TJP1: variants seen among roughly 807,000 people sequenced by gnomAD.
TJP1 encodes tight junction protein ZO-1.
Under a neutral mutation model 194.2 loss-of-function variants are expected in TJP1, and 43 were observed. The observed-to-expected ratio is 0.22, with a 90% CI of 0.17 to 0.29. The LOEUF (loss-of-function observed/expected upper bound fraction) is 0.29, where lower values mean the gene tolerates loss of function less well. TJP1 is among the 10% of genes least tolerant of loss of function. The pLI is 1.00. For synonymous variants in TJP1, 801 were observed against 779.0 expected (o/e 1.03, Z -0.47); for missense variants, 1,971 against 2,185.7 (o/e 0.90, Z 1.96).
At chr15:29,813,983 T>TG (rs1272746773) in intron 1 of TJP1, among the ~76,000 whole-genome samples, 1 of 152,226 alleles carries the variant, frequency 6.6e-6, no homozygotes, top group Non-Finnish European at 1.5e-5. Flanking sequence ...AGTGTTCATT[T>TG]GCCTTGTCAG....
intron 15 of TJP1, 137 bp downstream of exon 15, chr15:29,732,296 C>A: frequency 1.4e-6 from 1 of 739,230 alleles, no homozygotes; most frequent in Non-Finnish European, 2.2e-6. Context: ...GTTTTCTCAC[C>A]AAATTAAAAG....
chr15:29,825,794 C>T (rs958308672), upstream of TJP1, among the ~76,000 whole-genome samples: 1 of 152,090 alleles, frequency 6.6e-6, no homozygotes, highest in Non-Finnish European at 1.5e-5. Flanking sequence ...GATGTTATAA[C>T]AACCAAAAGT....
In TJP1 at chr15:29,709,048, AC is replaced by A. The variant is rs750876609; in HGVS notation, c.4373-13del. 1 of 1,595,496 alleles carries A rather than the reference AC, an allele frequency of 6.3e-7. No individual in the cohort carries two copies. The highest frequency in any genetic ancestry group is 1.8e-5 in the Admixed American group (1 of 56,836). On this transcript the variant is annotated splice_polypyrimidine_tract_variant and intron_variant, in intron 24 of 27. Coordinates refer to ENST00000614355, the MANE Select transcript of TJP1 (RefSeq NM_001330239.4). ...TGACACTGAATTACCTGAAAAACAA[AC>A]GTAAGCATTTAAATAACTTTCTGAA...
At chr15:29,968,661 C>A (rs1209123043) in intron 1 of TJP1, 1 of 1,072,464 alleles carries the variant, frequency 9.3e-7, no homozygotes, top group South Asian at 2.4e-5. Context: ...CGCGCGGCCG[C>A]CTCACCACAG....
intron 2 of TJP1, among the ~76,000 whole-genome samples, chr15:29,780,434 C>T (rs976564713): frequency 6.6e-6 from 1 of 152,064 alleles, no homozygotes; most frequent in Non-Finnish European, 1.5e-5. Context: ...CAGGAGGCAG[C>T]GCTCAGGCAG....
chr15:29,739,229 G>A (rs1276305226), intron 10 of TJP1, among the ~76,000 whole-genome samples: 1 of 152,174 alleles, frequency 6.6e-6, no homozygotes, highest in Admixed American at 6.5e-5. Context: ...CACCAACAGT[G>A]TCATGTGCCT....
chr15:29,755,371 C>T (rs1174755632), intron 8 of TJP1, among the ~76,000 whole-genome samples: 1 of 152,180 alleles, frequency 6.6e-6, no homozygotes, highest in African/African-American at 2.4e-5. Flanking sequence ...ACTCAGCACT[C>T]TTGGAAAACT....
intron 1 of TJP1, among the ~76,000 whole-genome samples, chr15:29,959,115 G>T (rs990057937): frequency 3.3e-5 from 5 of 151,040 alleles, no homozygotes; most frequent in African/African-American, 1.2e-4. Flanking sequence ...TCAGCCTCCC[G>T]GGCAGCTGGG....
At chr15:29,712,772 T>C (rs925095332) in intron 23 of TJP1, among the ~76,000 whole-genome samples, 3 of 149,606 alleles carry the variant, frequency 2.0e-5, no homozygotes, top group African/African-American at 7.4e-5. Context: ...CAAGGATAAT[T>C]AGCAGGTTCT....
chr15:29,938,069 G>A (rs1222711633), intron 2 of TJP1, among the ~76,000 whole-genome samples: 1 of 152,126 alleles, frequency 6.6e-6, no homozygotes, highest in Non-Finnish European at 1.5e-5. Context: ...TGTTCTACTT[G>A]ACATATAAAA....
chr15:29,784,239 A>G (rs566342323), intron 2 of TJP1, among the ~76,000 whole-genome samples: 1 of 152,296 alleles, frequency 6.6e-6, no homozygotes, highest in Admixed American at 6.5e-5. Flanking sequence ...ACTCAGGAGG[A>G]CTAATACCAA....
At chr15:29,806,115 T>C (rs1438328154) in intron 1 of TJP1, among the ~76,000 whole-genome samples, 2 of 152,152 alleles carry the variant, frequency 1.3e-5, no homozygotes, top group Non-Finnish European at 2.9e-5. Context: ...AAGGCTGTAA[T>C]GGGAAAATGA....
At chr15:29,907,701 T>C (rs906083754) in intron 2 of TJP1, among the ~76,000 whole-genome samples, 7 of 152,118 alleles carry the variant, frequency 4.6e-5, no homozygotes, top group South Asian at 2.1e-4. Context: ...AAGCTATCAA[T>C]GCCACCTGCT....
intron 2 of TJP1, among the ~76,000 whole-genome samples, chr15:29,895,917 G>C (rs2053462500): frequency 6.6e-6 from 1 of 152,160 alleles, no homozygotes; most frequent in African/African-American, 2.4e-5. Flanking sequence ...CAGTGTCTGG[G>C]GAGAGCCCAC....
chr15:29,718,447 T>C lies in TJP1; in HGVS notation c.3695A>G (p.His1232Arg), dbSNP rs747329597. The C allele has an allele frequency of 6.2e-6, 10 of 1,614,064 alleles. No homozygotes were observed. In the East Asian group the frequency reaches 2.0e-4, roughly 32 times the overall value. ...AVPPLIPSSQ[H>R]KPEALPSNTK... ...GTTTGAAGGCAGAGCTTCTGGCTTATGCTGAGATGAAGGTATCAGCGGAGG... is the reference window on the plus strand; with the variant it reads ...GTTTGAAGGCAGAGCTTCTGGCTTACGCTGAGATGAAGGTATCAGCGGAGG... The change falls in exon 21 of 28, where the codon CAT (histidine) becomes CGT (arginine). Residue 1232 changes from histidine to arginine, a missense_variant. His to Arg is a conservative substitution (Grantham distance 29). Around this residue, in one of 5 missense-constraint regions of TJP1, gnomAD observed 1,108 missense variants for 1,128.5 expected, o/e 0.98. Coordinates refer to ENST00000614355, the MANE Select transcript of TJP1 (RefSeq NM_001330239.4).
At chr15:29,752,547 G>T (rs2045358083) in intron 8 of TJP1, among the ~76,000 whole-genome samples, 1 of 152,100 alleles carries the variant, frequency 6.6e-6, no homozygotes, top group Admixed American at 6.6e-5. Flanking sequence ...ATTAACTAGA[G>T]AAACTTAATC....
intron 1 of TJP1, among the ~76,000 whole-genome samples, chr15:29,966,656 C>A (rs1012486850): frequency 1.8e-4 from 3 of 16,944 alleles, no homozygotes; most frequent in Non-Finnish European, 3.2e-4. Context: ...TTGTACCAGA[C>A]ATCCGTTGCA....
chr15:29,732,720 T>C lies in TJP1; in HGVS notation c.1832A>G (p.Lys611Arg), dbSNP rs1424022333. Residue 611 changes from lysine to arginine, a missense_variant, in exon 14 of 28, where the codon AAG becomes AGG. Physicochemically the swap from Lys to Arg is conservative, Grantham distance 26 (BLOSUM62 2). Around this residue, in one of 5 missense-constraint regions of TJP1, gnomAD observed 402 missense variants for 484.2 expected, o/e 0.83. Coordinates refer to ENST00000614355, the MANE Select transcript of TJP1 (RefSeq NM_001330239.4). ...FWRFRGLRSSKRNLRKSREDL... is the reference protein window; with the variant it reads ...FWRFRGLRSSRRNLRKSREDL... ...CTCTCTGCTTTTTCGAAGATTTCTC[T>C]TGGAGCTGCGAAGACCTCTGAATCT... The C allele has an allele frequency of 1.2e-6, 2 of 1,614,214 alleles. No homozygotes were observed. The highest frequency in any genetic ancestry group is 2.2e-5 in the South Asian group (2 of 91,086).
chr15:29,757,168 T>C (rs1283294077), intron 8 of TJP1, among the ~76,000 whole-genome samples: 3 of 152,110 alleles, frequency 2.0e-5, no homozygotes. Flanking sequence ...GCCCTAAGAA[T>C]TCACTATATT....
Sources: gnomAD v4.1 joint callset for allele counts (sites outside exome capture counted in the v4.1 genomes callset) on GRCh38, gnomAD v4.1.1 for gene constraint, gnomAD v4.1.1 regional missense constraint, MANE v1.5 for transcripts, NCBI Gene and HGNC (gene_info 2026-07-23, HGNC 2026-07-21) for gene names.